TMEM175: variants seen among roughly 807,000 people sequenced by gnomAD.
The protein encoded by TMEM175 is transmembrane protein 175.
TMEM175 carries 36 observed loss-of-function variants against 36.5 expected under a neutral mutation model. That is an observed-to-expected ratio of 0.99 (90% CI 0.76 to 1.30). The LOEUF is 1.30. Ranked by LOEUF, TMEM175 falls within the 50% of genes most tolerant of loss-of-function variation. The probability of loss-of-function intolerance (pLI) is 0.00; values close to 1 mark genes in which losing one functional copy is unlikely to be tolerated. For missense variants in TMEM175, 705 were observed against 692.8 expected, an observed-to-expected ratio of 1.02 and a Z score of -0.20; for synonymous variants, 339 against 313.4, an observed-to-expected ratio of 1.08 and a Z score of -0.86.
Position 953,368 on chromosome 4 carries a change from C to T in TMEM175, c.627+14C>T, listed in dbSNP as rs1165658091. ...TTTGTCCCCTTGGTGAGTGCTGGGA[C>T]AGCCCGTGGGGCCCAGGCAGGAACG... On this transcript the variant is annotated intron_variant, in intron 8 of 10. Transcript: ENST00000264771. The T allele has an allele frequency of 1.3e-6, 2 of 1,594,146 alleles. No homozygotes were observed. The highest frequency in any genetic ancestry group is 1.7e-6 in the Non-Finnish European group (2 of 1,168,526).
intron 8 of TMEM175, among the ~76,000 whole-genome samples, chr4:954,451 C>T (rs963181479): frequency 6.6e-6 from 1 of 152,156 alleles, no homozygotes; most frequent in African/African-American, 2.4e-5. Context: ...GAGAAGGCAA[C>T]AAAAGCACTG....
intron 1 of TMEM175, among the ~76,000 whole-genome samples, chr4:945,114 A>C (rs1727969242): frequency 6.6e-6 from 1 of 152,196 alleles, no homozygotes; most frequent in African/African-American, 2.4e-5. Flanking sequence ...AAAAGAAAAA[A>C]AGAAAAACTG....
chr4:956,406 G>A (rs761097237), intron 10 of TMEM175: 18 of 1,288,174 alleles, frequency 1.4e-5, no homozygotes, highest in Middle Eastern at 2.1e-4. Context: ...TAGAGCGCGC[G>A]TCTCGTCTCA....
At position 953,454 on chromosome 4, in the gene TMEM175, C is replaced by T. The variant is rs906047023; in HGVS notation, c.627+100C>T. 3.6e-6 allele frequency: 5 copies of T among 1,393,598 alleles called. No homozygotes were observed. The South Asian group carries it at 5.7e-5, about 16-fold the overall frequency. The allele number at this position is 1,393,598 out of a possible 1,614,324, so 86.3% of individuals were successfully genotyped here. ...CAAACACGGGGGTGGGGGCAGAGCG[C>T]AGACAGGCAGGGGTTCCACCCAGGG... is the stretch of plus-strand genomic sequence containing the variant. On this transcript the variant is annotated intron_variant, in intron 8 of 10. Coordinates refer to ENST00000264771, the MANE Select transcript of TMEM175 (RefSeq NM_032326.4).
intron 1 of TMEM175, chr4:946,131 G>C (rs1408468838): frequency 6.6e-6 from 1 of 152,540 alleles, no homozygotes; most frequent in African/African-American, 2.4e-5. Flanking sequence ...GGCCAGGTGG[G>C]CTCCCCCTTC....
chr4:934,436 A>G (rs567308546), intron 1 of TMEM175, among the ~76,000 whole-genome samples: 1 of 151,318 alleles, frequency 6.6e-6, no homozygotes, highest in East Asian at 1.9e-4. Context: ...TAGAAAAAGA[A>G]ATGGAAGATA....
In TMEM175 at chr4:946,990, G is replaced by GCCGAGA. The variant is rs530428619; in HGVS notation, c.-31-713_-31-708dup. 9.5e-4 allele frequency among the ~76,000 whole-genome samples: 131 copies of GCCGAGA among 137,220 alleles called. 1 individual carries two copies. The Middle Eastern group carries it at 0.015, about 15-fold the overall frequency. 90.0% of individuals were successfully genotyped at this position (137,220 alleles called of 152,430 possible). Reference sequence around the variant, plus strand: ...CAGCCCCAGGCACGCGTGCACAGGCGCCGAGACCGAGGGAGAGCGCGGCCC... The same window carrying GCCGAGA: ...CAGCCCCAGGCACGCGTGCACAGGCGCCGAGACCGAGACCGAGGGAGAGCGCGGCCC... On this transcript the variant is annotated intron_variant, in intron 1 of 10. Coordinates refer to ENST00000264771, the MANE Select transcript of TMEM175 (RefSeq NM_032326.4).
chr4:951,722 GCAA>G lies in TMEM175; in HGVS notation c.378+8_378+10del, dbSNP rs762763508. 105 of 1,613,950 alleles carry G rather than the reference GCAA, an allele frequency of 6.5e-5. 1 individual carries two copies. In the Admixed American group the frequency reaches 1.7e-3, roughly 27 times the overall value. ...ATCACCTTCCTGCCTTACACGGTGA[GCAA>G]CACCAGGCCCCTGACACCCTGAGGC... On this transcript the variant is annotated splice_donor_region_variant and intron_variant, in intron 6 of 10. Transcript: ENST00000264771.
Position 956,051 on chromosome 4 carries a change from G to A in TMEM175, c.842+161G>A, listed in dbSNP as rs1324524552. ...GAGGTCAGGGCAGCCCCCACTTCAG[G>A]GAGGACAACCTTCCCGGCGGCCCCT... On this transcript the variant is annotated intron_variant, in intron 10 of 10. Coordinates refer to ENST00000264771, the MANE Select transcript of TMEM175 (RefSeq NM_032326.4). The A allele has an allele frequency of 7.6e-6, 7 of 923,982 alleles. No individual in the cohort carries two copies. The African/African-American group carries it at 1.1e-4, about 15-fold the overall frequency. The allele number at this position is 923,982 out of a possible 1,614,324, so 57.2% of individuals were successfully genotyped here.
intron 1 of TMEM175, among the ~76,000 whole-genome samples, chr4:937,948 A>C (rs1245332341): frequency 6.6e-6 from 1 of 152,198 alleles, no homozygotes; most frequent in East Asian, 1.9e-4. Flanking sequence ...GATCATGTCA[A>C]TAGATACAGA....
intron 10 of TMEM175, 199 bp downstream of exon 10, chr4:956,089 G>A: frequency 1.3e-6 from 1 of 797,990 alleles, no homozygotes; most frequent in Non-Finnish European, 1.9e-6. Flanking sequence ...CTTCCCAGCG[G>A]CCCCTCCCTT....
intron 1 of TMEM175, among the ~76,000 whole-genome samples, chr4:941,474 T>C (rs1376057862): frequency 3.3e-5 from 5 of 150,430 alleles, no homozygotes; most frequent in African/African-American, 1.2e-4. Context: ...AGTCTGGCTC[T>C]GTCACTCAGG....
At position 957,912 on chromosome 4, in the gene TMEM175, C is replaced by G. The variant is rs750345846; in HGVS notation, c.931C>G (p.Leu311Val). 1 of 1,612,912 alleles carries G rather than the reference C, an allele frequency of 6.2e-7. No homozygotes were observed. The highest frequency in any genetic ancestry group is 1.7e-5 in the Admixed American group (1 of 60,024). ...AALSATGPRF[L>V]AYFGSFATVG... ...CCTGAGTGCGACCGGGCCGCGCTTC[C>G]TGGCGTACTTCGGCTCCTTCGCCAC... The change falls in exon 11 of 11, where the codon CTG (leucine) becomes GTG (valine). Residue 311 changes from leucine (L) to valine (V), a missense_variant. Coordinates refer to ENST00000264771, the MANE Select transcript of TMEM175 (RefSeq NM_032326.4).
chr4:948,629 G>T, intron 3 of TMEM175: 1 of 1,266,334 alleles, frequency 7.9e-7, no homozygotes, highest in Non-Finnish European at 1.0e-6. Flanking sequence ...AGCGGGAAAG[G>T]GTTTACAAGC....
At chr4:947,916 G>T in intron 2 of TMEM175, 24 bp downstream of exon 2, 1 of 1,613,792 alleles carries the variant, frequency 6.2e-7, no homozygotes, top group Non-Finnish European at 8.5e-7. Flanking sequence ...CCCTGCTTAG[G>T]CCTGCCCCAC....
chr4:958,090 G>C lies in TMEM175; in HGVS notation c.1109G>C (p.Arg370Pro), dbSNP rs149156711. 6.2e-7 allele frequency: 1 copy of C among 1,606,826 alleles called. No individual in the cohort carries two copies. The highest frequency in any genetic ancestry group is 1.7e-5 in the Admixed American group (1 of 59,988). The change falls in exon 11 of 11, where the codon CGC becomes CCC. Residue 370 changes from arginine (R) to proline (P), a missense_variant. Physicochemically the swap from Arg to Pro is moderately radical, Grantham distance 103. Coordinates refer to ENST00000264771, the MANE Select transcript of TMEM175 (RefSeq NM_032326.4). ...QQTSAFARQP[R>P]DELERVRVSC... ...ACCTCGGCCTTCGCCCGGCAGCCCC[G>C]CGATGAGCTGGAGCGCGTGCGTGTC...
At chr4:953,999 CT>C (rs529343345) in intron 8 of TMEM175, among the ~76,000 whole-genome samples, 4 of 149,500 alleles carry the variant, frequency 2.7e-5, no homozygotes, top group East Asian at 3.9e-4. Flanking sequence ...TTCTTTTTTT[CT>C]TTTTTTTTTC....
chr4:956,803 TC>T, intron 10 of TMEM175: 1 of 297,444 alleles, frequency 3.4e-6, no homozygotes, highest in South Asian at 2.9e-5. Context: ...TCTTGTTCCC[TC>T]GTCATAGTTC....
intron 1 of TMEM175, among the ~76,000 whole-genome samples, chr4:940,221 G>C (rs1370369486): frequency 6.6e-6 from 1 of 152,226 alleles, no homozygotes; most frequent in Non-Finnish European, 1.5e-5. Context: ...GGCCAAGGCA[G>C]TCAGATCAAC....
Sources: gnomAD v4.1 joint callset for allele counts (sites outside exome capture counted in the v4.1 genomes callset) on GRCh38, gnomAD v4.1.1 for gene constraint, MANE v1.5 for transcripts, NCBI Gene and HGNC (gene_info 2026-07-23, HGNC 2026-07-21) for gene names.